The following TTC27 variants were observed in gnomAD, a reference collection of about 807,000 sequenced individuals.
TTC27 encodes tetratricopeptide repeat protein 27.
Under a neutral mutation model 115.9 loss-of-function variants are expected in TTC27, and 79 were observed. That is an observed-to-expected ratio of 0.68 (90% CI 0.57 to 0.82). The LOEUF (loss-of-function observed/expected upper bound fraction) is 0.82. Among genes scored for constraint, TTC27 ranks in the 40% least tolerant of loss-of-function variants. The pLI is 0.00. For synonymous variants in TTC27, 401 were observed against 356.0 expected (o/e 1.13, Z -1.42); for missense variants, 1,054 against 993.1 (o/e 1.06, Z -0.82).
At chr2:32,700,049 A>T (rs1667131578) in intron 9 of TTC27, among the ~76,000 whole-genome samples, 1 of 152,120 alleles carries the variant, frequency 6.6e-6, no homozygotes, top group African/African-American at 2.4e-5. Context: ...TTGCTAGCAG[A>T]ATGATCAGTG....
chr2:32,666,447 G>A (rs571825208), intron 6 of TTC27, among the ~76,000 whole-genome samples, 188 bp from the exon 7 acceptor site: 1 of 151,682 alleles, frequency 6.6e-6, no homozygotes, highest in East Asian at 1.9e-4. Context: ...TTGAGTCCTG[G>A]TACCAGAGCT....
intron 16 of TTC27, among the ~76,000 whole-genome samples, chr2:32,792,304 T>C (rs1170589305): frequency 6.6e-6 from 1 of 152,160 alleles, no homozygotes; most frequent in African/African-American, 2.4e-5. Flanking sequence ...AATGGATATA[T>C]GTTATAAAAA....
At chr2:32,650,781 A>G (rs1665090442) in intron 5 of TTC27, among the ~76,000 whole-genome samples, 1 of 152,172 alleles carries the variant, frequency 6.6e-6, no homozygotes, top group African/African-American at 2.4e-5. Context: ...TTTTATTAGT[A>G]TTTTTTGTAA....
In TTC27 at chr2:32,695,336, C is replaced by T. The variant is rs185767763; in HGVS notation, c.1120-7471C>T. 5.1e-4 allele frequency among the ~76,000 whole-genome samples: 78 copies of T among 152,222 alleles called. 1 individual carries two copies. In the East Asian group the frequency reaches 0.014, roughly 28 times the overall value. On this transcript the variant is annotated intron_variant, in intron 9 of 19. Transcript: ENST00000317907. ...TGGTGACTTATGCCTGTAATCTCAACACTTTGGGAGGCCAAGGCGGGTGGA... is the reference window on the plus strand; with the variant it reads ...TGGTGACTTATGCCTGTAATCTCAATACTTTGGGAGGCCAAGGCGGGTGGA...
At chr2:32,808,721 A>G (rs991630856) in intron 16 of TTC27, among the ~76,000 whole-genome samples, 11 of 152,180 alleles carry the variant, frequency 7.2e-5, no homozygotes, top group African/African-American at 2.4e-4. Context: ...CTCTCCCCAC[A>G]TCGTCTCCCC....
intron 5 of TTC27, among the ~76,000 whole-genome samples, chr2:32,662,689 A>G (rs1309880718): frequency 6.6e-6 from 1 of 151,814 alleles, no homozygotes; most frequent in African/African-American, 2.4e-5. Flanking sequence ...CTAGCGGTCT[A>G]TCTACTTTGT....
At chr2:32,726,617 T>C (rs1032086767) in intron 10 of TTC27, among the ~76,000 whole-genome samples, 1 of 152,230 alleles carries the variant, frequency 6.6e-6, no homozygotes, top group African/African-American at 2.4e-5. Context: ...TTCCAAACTT[T>C]CCCACATTTT....
intron 13 of TTC27, among the ~76,000 whole-genome samples, chr2:32,768,764 C>T (rs909296026): frequency 6.6e-6 from 1 of 152,098 alleles, no homozygotes; most frequent in Non-Finnish European, 1.5e-5. Context: ...ACTGAAGCCT[C>T]ATTACAGAGG....
At chr2:32,778,509 T>C (rs966457306) in intron 14 of TTC27, among the ~76,000 whole-genome samples, 4 of 152,164 alleles carry the variant, frequency 2.6e-5, no homozygotes, top group Admixed American at 6.5e-5. Flanking sequence ...CCAAACATCC[T>C]CCCCTTCAGC....
chr2:32,720,956 G>A (rs1191828192), intron 10 of TTC27, among the ~76,000 whole-genome samples: 1 of 152,134 alleles, frequency 6.6e-6, no homozygotes. Flanking sequence ...TGCCCTTGAT[G>A]TGTAACTATT....
Position 32,787,137 on chromosome 2 carries a change from C to T in TTC27, c.1986C>T (p.Tyr662=). 2 of 1,611,748 alleles carry T rather than the reference C, an allele frequency of 1.2e-6. No homozygotes were observed. The highest frequency in any genetic ancestry group is 1.7e-6 in the Non-Finnish European group (2 of 1,179,446). The part of the protein sequence containing the change: ...YHRLLDLRDK[Y]KDVQVLKILV... ...GGCTCTTGGACTTACGTGACAAATA[C>T]AAAGATGTTCAGGTAGGATATTCCT... is the stretch of plus-strand genomic sequence containing the variant. The change falls in exon 16 of 20, where the codon TAC becomes TAT. Residue 662 remains tyrosine, a synonymous_variant. Coordinates refer to ENST00000317907, the MANE Select transcript of TTC27 (RefSeq NM_017735.5).
chr2:32,686,344 T>C (rs957793881), intron 9 of TTC27, among the ~76,000 whole-genome samples: 1 of 152,058 alleles, frequency 6.6e-6, no homozygotes, highest in Non-Finnish European at 1.5e-5. Context: ...TCTAAAATCA[T>C]TTGGAGGACT....
At chr2:32,634,226 G>A (rs746317167) in intron 3 of TTC27, among the ~76,000 whole-genome samples, 2 of 152,032 alleles carry the variant, frequency 1.3e-5, no homozygotes, top group African/African-American at 4.8e-5. Context: ...AGCTGTGTTA[G>A]CTGTGTTTTT....
chr2:32,688,326 A>C (rs1316121489), intron 9 of TTC27, among the ~76,000 whole-genome samples: 2 of 152,132 alleles, frequency 1.3e-5, no homozygotes, highest in Non-Finnish European at 2.9e-5. Context: ...TTTTCCTCCT[A>C]TGTTTTCTTC....
At chr2:32,791,667 G>A (rs1439991166) in intron 16 of TTC27, among the ~76,000 whole-genome samples, 1 of 152,080 alleles carries the variant, frequency 6.6e-6, no homozygotes, top group African/African-American at 2.4e-5. Context: ...TCATATTAAT[G>A]TGCTTGTGAA....
At chr2:32,771,328 A>G (rs1669824227) in intron 13 of TTC27, among the ~76,000 whole-genome samples, 1 of 152,218 alleles carries the variant, frequency 6.6e-6, no homozygotes, top group Non-Finnish European at 1.5e-5. Context: ...TGCACTGTAG[A>G]AAAACCATTG....
chr2:32,753,746 C>T (rs539097716), intron 12 of TTC27, among the ~76,000 whole-genome samples: 200 of 152,206 alleles, frequency 1.3e-3, no homozygotes, highest in African/African-American at 4.6e-3. Context: ...CGTGTGGAGC[C>T]CAAATGCCCT....
At chr2:32,773,898 G>A (rs999780252) in intron 13 of TTC27, among the ~76,000 whole-genome samples, 4 of 152,318 alleles carry the variant, frequency 2.6e-5, no homozygotes, top group Non-Finnish European at 5.9e-5. Flanking sequence ...GTGTTTTAGA[G>A]AAATAGTGTA....
intron 12 of TTC27, among the ~76,000 whole-genome samples, chr2:32,742,529 G>C (rs1668679986): frequency 6.6e-6 from 1 of 152,232 alleles, no homozygotes; most frequent in South Asian, 2.1e-4. Context: ...AGTAGGAGTA[G>C]ACACCACTAC....
Sources: gnomAD v4.1 joint callset for allele counts (sites outside exome capture counted in the v4.1 genomes callset) on GRCh38, gnomAD v4.1.1 for gene constraint, MANE v1.5 for transcripts, NCBI Gene and HGNC (gene_info 2026-07-23, HGNC 2026-07-21) for gene names.